SLC2A10: variants seen among roughly 807,000 people sequenced by gnomAD.
SLC2A10 encodes solute carrier family 2 member 10, also known as solute carrier family 2, facilitated glucose transporter member 10.
A neutral mutation model predicts 32.1 loss-of-function variants in SLC2A10; 25 were observed. The observed-to-expected ratio is 0.78, with a 90% CI of 0.57 to 1.09. The LOEUF is 1.09. Ranked by LOEUF, SLC2A10 falls within the 50% of genes least tolerant of loss-of-function variation. The pLI is 0.00. For synonymous variants in SLC2A10, 332 were observed against 309.6 expected, an observed-to-expected ratio of 1.07 and a Z score of -0.76; for missense variants, 673 against 686.5, an observed-to-expected ratio of 0.98 and a Z score of 0.22.
At chr20:46,724,786 TGGATGGATGGACAGATGGAA>T (rs1182878699) in intron 1 of SLC2A10, among the ~76,000 whole-genome samples, 1 of 147,270 alleles carries the variant, frequency 6.8e-6, no homozygotes. Context: ...ATTGATGGAG[TGGATGGATGGACAGATGGAA>T]GGATGGATGG....
intron 1 of SLC2A10, among the ~76,000 whole-genome samples, chr20:46,715,233 C>CATTT (rs1555886971): frequency 6.6e-6 from 1 of 151,138 alleles, no homozygotes; most frequent in South Asian, 2.1e-4. Context: ...TTTTATTTCA[C>CATTT]GTTTGTTTGT....
intron 4 of SLC2A10, among the ~76,000 whole-genome samples, chr20:46,730,984 A>G (rs770101190): frequency 9.9e-5 from 15 of 152,226 alleles, no homozygotes; most frequent in Non-Finnish European, 1.9e-4. Flanking sequence ...TCCTAATGTA[A>G]GAACCTGTGA....
At chr20:46,724,082 G>A (rs1275549983) in intron 1 of SLC2A10, among the ~76,000 whole-genome samples, 1 of 152,120 alleles carries the variant, frequency 6.6e-6, no homozygotes, top group Non-Finnish European at 1.5e-5. Context: ...GGACTTTCAT[G>A]TCACTCAAAT....
chr20:46,721,788 G>C (rs1979568778), intron 1 of SLC2A10, among the ~76,000 whole-genome samples: 1 of 152,194 alleles, frequency 6.6e-6, no homozygotes, highest in Non-Finnish European at 1.5e-5. Context: ...AAAAAATGTA[G>C]TTCTTTTTTC....
chr20:46,729,286 A>C, intron 3 of SLC2A10, 67 bp from the exon 4 acceptor site: 3 of 1,600,796 alleles, frequency 1.9e-6, no homozygotes, highest in Non-Finnish European at 2.6e-6. Flanking sequence ...AGAACCTACC[A>C]GTTGGCCCAG....
chr20:46,708,410 C>A (rs1480121884), upstream of SLC2A10, among the ~76,000 whole-genome samples: 1 of 152,166 alleles, frequency 6.6e-6, no homozygotes, highest in Non-Finnish European at 1.5e-5. Flanking sequence ...GTGTCCCCAG[C>A]CTACCCCTTT....
chr20:46,731,684 T>C (rs955454896), intron 4 of SLC2A10, among the ~76,000 whole-genome samples: 1 of 152,024 alleles, frequency 6.6e-6, no homozygotes, highest in Non-Finnish European at 1.5e-5. Flanking sequence ...GGGGTTTTTG[T>C]GGAGTCCAGA....
rs1015798796 is a variant in SLC2A10, at chr20:46,725,684, C to G, written c.648C>G (p.Tyr216Ter). ...APKLGPGRPR[Y>*]SFLDLFRARD... ...AGCTGGGCCCGGGGAGGCCACGGTA[C>G]TCCTTTCTGGACCTCTTCAGGGCAC... Residue 216 changes from tyrosine to a stop codon, truncating the protein, a stop_gained, in exon 2 of 5, where the codon TAC (tyrosine) becomes TAG (stop). Transcript: ENST00000359271. LOFTEE classifies it high-confidence loss of function. 19 of 1,613,964 alleles carry G rather than the reference C, an allele frequency of 1.2e-5. No individual in the cohort carries two copies. Among genetic ancestry groups the G allele is most frequent in the Non-Finnish European group, 1.4e-5 (16 of 1,180,014 alleles).
At chr20:46,719,201 T>C (rs568569416) in intron 1 of SLC2A10, among the ~76,000 whole-genome samples, 1 of 152,190 alleles carries the variant, frequency 6.6e-6, no homozygotes, top group Admixed American at 6.5e-5. Flanking sequence ...AAAATGCTTG[T>C]CTGCAATGCC....
intron 2 of SLC2A10, 103 bp from the exon 3 acceptor site, chr20:46,726,761 G>C: frequency 6.7e-7 from 1 of 1,487,104 alleles, no homozygotes; most frequent in Admixed American, 1.7e-5. Context: ...TCAGGAGCCT[G>C]ACACTAGAAA....
intron 1 of SLC2A10, among the ~76,000 whole-genome samples, chr20:46,724,823 G>T (rs964681088): frequency 6.8e-6 from 1 of 147,104 alleles, no homozygotes. Context: ...ATGGATGGAT[G>T]GATGGATGGA....
intron 1 of SLC2A10, among the ~76,000 whole-genome samples, chr20:46,724,218 T>C (rs1979712169): frequency 6.6e-6 from 1 of 152,390 alleles, no homozygotes; most frequent in East Asian, 1.9e-4. Flanking sequence ...TTATTTATCA[T>C]CTTCCTATTT....
chr20:46,708,471 C>G (rs962194472), upstream of SLC2A10, among the ~76,000 whole-genome samples: 1 of 152,196 alleles, frequency 6.6e-6, no homozygotes, highest in Non-Finnish European at 1.5e-5. Context: ...ACGTGGATGC[C>G]TGCTGAGCAC....
At chr20:46,727,173 GGT>G (rs1410889273) in intron 3 of SLC2A10, among the ~76,000 whole-genome samples, 187 bp downstream of exon 3, 1 of 146,502 alleles carries the variant, frequency 6.8e-6, no homozygotes, top group East Asian at 1.9e-4. Flanking sequence ...CCAGCTAATG[GGT>G]GATGGTCTAC....
intron 4 of SLC2A10, among the ~76,000 whole-genome samples, chr20:46,729,832 C>G (rs969659132): frequency 8.3e-4 from 126 of 151,806 alleles, no homozygotes; most frequent in African/African-American, 2.9e-3. Context: ...TTAGTAGAGA[C>G]GGGGTTTCAC....
chr20:46,709,705 C>T lies in SLC2A10; in HGVS notation c.-32C>T. The T allele has an allele frequency of 6.5e-7, 1 of 1,539,854 alleles. No homozygotes were observed. Among genetic ancestry groups the T allele is most frequent in the Non-Finnish European group, 8.7e-7 (1 of 1,143,480 alleles). Reference sequence around the variant, plus strand: ...GGGGGATGCGCGCCCGGCCCCTCAGCGCCCCCAGCACGCCGCCGAGTCCCG... The same window carrying T: ...GGGGGATGCGCGCCCGGCCCCTCAGTGCCCCCAGCACGCCGCCGAGTCCCG... On this transcript the variant is annotated 5_prime_UTR_variant, in exon 1 of 5. Coordinates refer to ENST00000359271, the MANE Select transcript of SLC2A10 (RefSeq NM_030777.4).
At position 46,733,885 on chromosome 20, in the gene SLC2A10, C is replaced by G. The variant is rs771210673; in HGVS notation, c.*51C>G. 1 of 1,553,454 alleles carries G rather than the reference C, an allele frequency of 6.4e-7. No individual in the cohort carries two copies. The highest frequency in any genetic ancestry group is 1.1e-5 in the South Asian group (1 of 89,250). ...GAACTGTGGCTTTGGCAGACCATCT[C>G]CAGCATCCTGCTTCCTAGGCCCCAG... is the stretch of plus-strand genomic sequence containing the variant. On this transcript the variant is annotated 3_prime_UTR_variant, in exon 5 of 5. Transcript: ENST00000359271.
In SLC2A10 at chr20:46,735,418, T is replaced by C. The variant is rs1261631360; in HGVS notation, c.*1584T>C. On this transcript the variant is annotated 3_prime_UTR_variant, in exon 5 of 5. Coordinates refer to ENST00000359271, the MANE Select transcript of SLC2A10 (RefSeq NM_030777.4). ...AACACAGCCATTATAAAAAATTAAA[T>C]GATTTAAATTTATAATTAAGTAAAT... 3.3e-5 allele frequency: 5 copies of C among 152,618 alleles called. No individual in the cohort carries two copies. The highest frequency in any genetic ancestry group is 4.8e-5 in the African/African-American group (2 of 41,462). 9.5% of individuals were successfully genotyped at this position (152,618 alleles called of 1,614,324 possible).
chr20:46,713,027 T>G (rs926012937), intron 1 of SLC2A10, among the ~76,000 whole-genome samples: 7 of 152,122 alleles, frequency 4.6e-5, no homozygotes, highest in African/African-American at 1.7e-4. Context: ...CCTGGACCTT[T>G]CAGATGTTCA....
Sources: gnomAD v4.1 joint callset for allele counts (sites outside exome capture counted in the v4.1 genomes callset) on GRCh38, gnomAD v4.1.1 for gene constraint, MANE v1.5 for transcripts, NCBI Gene and HGNC (gene_info 2026-07-23, HGNC 2026-07-21) for gene names.